The following ANKS1B variants were observed in gnomAD, a reference collection of about 807,000 sequenced individuals.
ANKS1B encodes the protein ankyrin repeat and sterile alpha motif domain-containing protein 1B.
ANKS1B carries 36 observed loss-of-function variants against 148.3 expected under a neutral mutation model. The observed-to-expected ratio is 0.24, with a 90% confidence interval of 0.19 to 0.32. The LOEUF is 0.32. Ranked by LOEUF, ANKS1B falls within the 10% of genes least tolerant of loss-of-function variation. The pLI, the probability that ANKS1B is intolerant of heterozygous loss-of-function variation, is 1.00. For missense variants in ANKS1B, 1,157 were observed against 1,542.6 expected, an observed-to-expected ratio of 0.75 and a Z score of 4.19; for synonymous variants, 542 against 560.8, an observed-to-expected ratio of 0.97 and a Z score of 0.47.
intron 17 of ANKS1B, among the ~76,000 whole-genome samples, chr12:98,993,318 C>T (rs1222063897): frequency 2.0e-5 from 3 of 152,174 alleles, no homozygotes; most frequent in African/African-American, 7.2e-5. Flanking sequence ...CAGCTGCACG[C>T]CACCATGCCT....
At chr12:98,863,133 C>T (rs189162238) in intron 17 of ANKS1B, among the ~76,000 whole-genome samples, 19 of 152,326 alleles carry the variant, frequency 1.2e-4, no homozygotes, top group Non-Finnish European at 2.5e-4. Flanking sequence ...GATATTTTCA[C>T]GGACACAAGC....
intron 14 of ANKS1B, among the ~76,000 whole-genome samples, chr12:99,160,758 G>T (rs531944870): frequency 1.3e-5 from 2 of 152,064 alleles, no homozygotes; most frequent in Non-Finnish European, 2.9e-5. Flanking sequence ...TCTGCATATC[G>T]CAAGCCAGCT....
chr12:99,379,973 G>A (rs2093567947), intron 12 of ANKS1B, among the ~76,000 whole-genome samples: 1 of 152,178 alleles, frequency 6.6e-6, no homozygotes, highest in Non-Finnish European at 1.5e-5. Context: ...TTGCCTTCTT[G>A]CAAAGAATAT....
chr12:98,932,658 C>A (rs1279714794), intron 17 of ANKS1B, among the ~76,000 whole-genome samples: 1 of 152,150 alleles, frequency 6.6e-6, no homozygotes, highest in African/African-American at 2.4e-5. Flanking sequence ...TTCTTCATTG[C>A]TAAACTAATT....
chr12:98,946,911 G>C (rs1185693429), intron 17 of ANKS1B, among the ~76,000 whole-genome samples: 17 of 121,620 alleles, frequency 1.4e-4, no homozygotes, highest in East Asian at 2.6e-4. Context: ...CTGCACTCCA[G>C]CCTGGGTGAC....
intron 8 of ANKS1B, among the ~76,000 whole-genome samples, chr12:99,679,024 T>C (rs977461663): frequency 3.3e-5 from 5 of 152,178 alleles, no homozygotes; most frequent in African/African-American, 1.2e-4. Context: ...AATTTTAAAG[T>C]TCAGTTGAGA....
intron 8 of ANKS1B, among the ~76,000 whole-genome samples, chr12:99,760,133 C>A (rs10745871): frequency 0.45 from 67,780 of 151,498 alleles, 15,527 homozygotes; most frequent in South Asian, 0.61. Flanking sequence ...ACATTTTAAG[C>A]ACATGCACAA....
At chr12:99,671,388 T>C (rs2153469097) in intron 8 of ANKS1B, among the ~76,000 whole-genome samples, 1 of 152,218 alleles carries the variant, frequency 6.6e-6, no homozygotes, top group African/African-American at 2.4e-5. Flanking sequence ...TAGGCATGTT[T>C]GATCAAAAAA....
intron 8 of ANKS1B, among the ~76,000 whole-genome samples, chr12:99,750,682 T>G (rs1447768869): frequency 6.6e-6 from 1 of 151,954 alleles, no homozygotes; most frequent in Non-Finnish European, 1.5e-5. Flanking sequence ...GCCCATCCCC[T>G]TTAACCTCCT....
intron 10 of ANKS1B, among the ~76,000 whole-genome samples, chr12:99,488,469 T>G (rs2096523485): frequency 6.6e-6 from 1 of 152,228 alleles, no homozygotes; most frequent in African/African-American, 2.4e-5. Context: ...TGGTTTCTCT[T>G]AAAATTTTTA....
At chr12:99,930,228 G>T (rs2094578875) in intron 1 of ANKS1B, among the ~76,000 whole-genome samples, 2 of 151,702 alleles carry the variant, frequency 1.3e-5, no homozygotes, top group African/African-American at 4.9e-5. Context: ...CTTGTAAGTT[G>T]GATTCCTAGG....
At chr12:99,380,672 A>C (rs532311866) in intron 12 of ANKS1B, among the ~76,000 whole-genome samples, 6 of 152,322 alleles carry the variant, frequency 3.9e-5, no homozygotes, top group Non-Finnish European at 7.3e-5. Flanking sequence ...GATTAGAAAA[A>C]AATTACATTT....
chr12:98,851,350 C>T (rs1036271066), intron 17 of ANKS1B, among the ~76,000 whole-genome samples: 1 of 152,192 alleles, frequency 6.6e-6, no homozygotes, highest in African/African-American at 2.4e-5. Context: ...GGGATGGCCT[C>T]ACGGAATAGA....
At chr12:99,583,680 G>A (rs1448574151) in intron 9 of ANKS1B, among the ~76,000 whole-genome samples, 3 of 151,912 alleles carry the variant, frequency 2.0e-5, no homozygotes, top group Non-Finnish European at 4.4e-5. Flanking sequence ...TTATTTTTCA[G>A]GATATGCAGC....
chr12:98,745,911 G>C, intron 26 of ANKS1B, 62 bp from the exon 27 acceptor site: 1 of 1,551,536 alleles, frequency 6.4e-7, no homozygotes, highest in Non-Finnish European at 8.7e-7. Flanking sequence ...GCATGCACGC[G>C]GACGCCGCTG....
At chr12:99,156,620 A>G (rs2076085183) in intron 14 of ANKS1B, among the ~76,000 whole-genome samples, 1 of 152,094 alleles carries the variant, frequency 6.6e-6, no homozygotes, top group Non-Finnish European at 1.5e-5. Context: ...TGGTTTTATT[A>G]TGTCCCCACA....
chr12:99,452,761 G>A (rs2095766878), intron 10 of ANKS1B, among the ~76,000 whole-genome samples: 1 of 152,208 alleles, frequency 6.6e-6, no homozygotes, highest in Non-Finnish European at 1.5e-5. Flanking sequence ...TTTCTCTAGT[G>A]AAGGTTTGTT....
At chr12:99,139,267 C>A (rs1311430181) in intron 15 of ANKS1B, among the ~76,000 whole-genome samples, 1 of 138,982 alleles carries the variant, frequency 7.2e-6, no homozygotes, top group Non-Finnish European at 1.5e-5. Flanking sequence ...TCCTCTCTTT[C>A]CTTTCCTTTC....
In ANKS1B at chr12:99,353,329, G is replaced by A. The variant is rs371393290; in HGVS notation, c.1756+46302C>T. The stretch of plus-strand genomic sequence containing the variant: ...TAAATTTATGAAGGAGAGTAAATGT[G>A]TGTGTTGTCTGTAAAAATCCTGGCA... On this transcript the variant is annotated intron_variant, in intron 12 of 26. Coordinates refer to ENST00000683438, the MANE Select transcript of ANKS1B (RefSeq NM_001352186.2). Among the ~76,000 whole-genome samples, 61 of 152,098 alleles carry A rather than the reference G, an allele frequency of 4.0e-4. 3 individuals carry two copies. In the South Asian group the frequency reaches 0.011, roughly 28 times the overall value.
Sources: allele counts gnomAD v4.1 joint callset (sites outside exome capture counted in the v4.1 genomes callset), GRCh38; gene constraint gnomAD v4.1.1; transcripts MANE v1.5; gene names NCBI Gene and HGNC (gene_info 2026-07-23, HGNC 2026-07-21).